GTF2H5: variants seen among roughly 807,000 people sequenced by gnomAD.
The protein encoded by GTF2H5 is general transcription factor IIH subunit 5.
A neutral mutation model predicts 7.1 loss-of-function variants in GTF2H5; 5 were observed. That is an observed-to-expected ratio of 0.71 (90% confidence interval 0.37 to 1.49). The LOEUF is 1.49. Among genes scored for constraint, GTF2H5 ranks in the 40% most tolerant of loss-of-function variants. The probability of loss-of-function intolerance (pLI) is 0.03; values close to 1 mark genes in which losing one functional copy is unlikely to be tolerated. For synonymous variants in GTF2H5, 30 were observed against 31.7 expected, an observed-to-expected ratio of 0.95 and a Z score of 0.18; for missense variants, 80 against 83.0, an observed-to-expected ratio of 0.96 and a Z score of 0.14.
chr6:158,189,600 G>T (rs938795241), intron 2 of GTF2H5, among the ~76,000 whole-genome samples: 21 of 151,998 alleles, frequency 1.4e-4, no homozygotes, highest in African/African-American at 5.1e-4. Flanking sequence ...CCTCTTTCCA[G>T]TTCACTCCCT....
rs947978621 is a variant in GTF2H5, at chr6:158,177,268, T to G, written c.35+6730T>G. 2.6e-5 allele frequency among the ~76,000 whole-genome samples: 4 copies of G among 152,366 alleles called. 1 individual carries two copies. Among genetic ancestry groups the G allele is most frequent in the African/African-American group, 9.6e-5 (4 of 41,586 alleles). On this transcript the variant is annotated intron_variant, in intron 2 of 2. Transcript: ENST00000607778. ...AAGATGTTTTAGAAATATTCTGTAG[T>G]CCATCAACTTTGCAGTGTAGCTATG...
At chr6:158,178,681 C>T (rs1282554486) in intron 2 of GTF2H5, among the ~76,000 whole-genome samples, 2 of 152,026 alleles carry the variant, frequency 1.3e-5, no homozygotes, top group Admixed American at 6.6e-5. Flanking sequence ...ATCCTTTGCC[C>T]ATTTTCTGAT....
intron 2 of GTF2H5, among the ~76,000 whole-genome samples, chr6:158,183,891 G>A (rs1048665258): frequency 4.6e-5 from 7 of 152,178 alleles, no homozygotes; most frequent in South Asian, 2.1e-4. Context: ...GCTTCGGCTC[G>A]CCCTCCATGG....
chr6:158,188,652 ATACTCAAAT>A (rs1376486904), intron 2 of GTF2H5, among the ~76,000 whole-genome samples: 1 of 149,526 alleles, frequency 6.7e-6, no homozygotes, highest in African/African-American at 2.6e-5. Context: ...ATTCTGTATA[ATACTCAAAT>A]TAGAGAATTG....
rs1292299140 is a variant in GTF2H5 at position 158,197,958 on chromosome 6, G to T, written c.*5801G>T. Reference sequence around the variant, plus strand: ...CTGGTATCATTGCTTGAACTTAATGGAGCTTATGTTGAGAAATAAAAGAAA... The same window carrying T: ...CTGGTATCATTGCTTGAACTTAATGTAGCTTATGTTGAGAAATAAAAGAAA... On this transcript the variant is annotated 3_prime_UTR_variant, in exon 3 of 3. Coordinates refer to ENST00000607778, the MANE Select transcript of GTF2H5 (RefSeq NM_207118.3). 3 of 152,124 alleles carry T rather than the reference G, an allele frequency of 2.0e-5. No individual in the cohort carries two copies. Among genetic ancestry groups the T allele is most frequent in the Admixed American group, 2.0e-4 (3 of 15,280 alleles). The allele number at this position is 152,124 out of a possible 1,614,324, so 9.4% of individuals were successfully genotyped here.
chr6:158,190,260 A>G (rs936954960), intron 2 of GTF2H5, among the ~76,000 whole-genome samples: 1 of 151,976 alleles, frequency 6.6e-6, no homozygotes, highest in East Asian at 1.9e-4. Context: ...CTCAGTAAAA[A>G]TCTCCTCCAG....
Position 158,192,595 on chromosome 6 carries a change from C to T in GTF2H5, c.*438C>T, listed in dbSNP as rs1167516952. ...TAGACATTATGTACGTCTCACAAAT[C>T]CTACCTGCATACCAGTCAGCTCTAT... is the stretch of plus-strand genomic sequence containing the variant. On this transcript the variant is annotated 3_prime_UTR_variant, in exon 3 of 3. Coordinates refer to ENST00000607778, the MANE Select transcript of GTF2H5 (RefSeq NM_207118.3). 2 of 217,216 alleles carry T rather than the reference C, an allele frequency of 9.2e-6. No homozygotes were observed. The highest frequency in any genetic ancestry group is 1.9e-5 in the Non-Finnish European group (2 of 107,426). The allele number at this position is 217,216 out of a possible 1,614,324, so 13.5% of individuals were successfully genotyped here. A position where few individuals can be genotyped will look rare whatever the true frequency, so the allele number is the denominator to read the frequency against.
chr6:158,183,919 A>G (rs1261950396), intron 2 of GTF2H5, among the ~76,000 whole-genome samples: 1 of 152,214 alleles, frequency 6.6e-6, no homozygotes, highest in African/African-American at 2.4e-5. Context: ...CCACTGTCCA[A>G]CCAGTCCCAA....
chr6:158,184,114 A>G (rs952792453), intron 2 of GTF2H5, among the ~76,000 whole-genome samples: 1 of 152,230 alleles, frequency 6.6e-6, no homozygotes, highest in Non-Finnish European at 1.5e-5. Flanking sequence ...TTCCTAAGTA[A>G]AAGGCATGGT....
intron 2 of GTF2H5, among the ~76,000 whole-genome samples, chr6:158,179,658 T>C (rs1330367063): frequency 6.6e-6 from 1 of 152,212 alleles, no homozygotes; most frequent in African/African-American, 2.4e-5. Context: ...TATTGGTGTA[T>C]AGGAATGCTT....
intron 1 of GTF2H5, among the ~76,000 whole-genome samples, chr6:158,169,141 G>A (rs747763627): frequency 2.0e-5 from 3 of 149,976 alleles, no homozygotes; most frequent in Non-Finnish European, 1.5e-5. Context: ...GGCTGAGGCA[G>A]GAGAATCGCT....
intron 2 of GTF2H5, among the ~76,000 whole-genome samples, chr6:158,175,053 CACACACACAT>C (rs1243349183): frequency 4.8e-5 from 4 of 83,466 alleles, no homozygotes; most frequent in African/African-American, 2.6e-4. Flanking sequence ...TGTATACACA[CACACACACAT>C]ACACATATAT....
At chr6:158,178,156 A>G (rs1785957861) in intron 2 of GTF2H5, among the ~76,000 whole-genome samples, 1 of 152,170 alleles carries the variant, frequency 6.6e-6, no homozygotes, top group African/African-American at 2.4e-5. Context: ...GCTGTCTTCC[A>G]CAATGGTTGA....
chr6:158,177,930 G>A (rs144350359), intron 2 of GTF2H5, among the ~76,000 whole-genome samples: 7 of 152,190 alleles, frequency 4.6e-5, no homozygotes, highest in East Asian at 3.9e-4. Flanking sequence ...ATAGTATTCC[G>A]TGGTGTATAT....
rs1301254950 is a variant in GTF2H5 at position 158,197,570 on chromosome 6, C to T, written c.*5413C>T. ...GGTCATGGTAACAGTTTTTTGGATC[C>T]TCAAGTCATTTTGCTTGTTGACTTT... is the stretch of plus-strand genomic sequence containing the variant. On this transcript the variant is annotated 3_prime_UTR_variant, in exon 3 of 3. Transcript: ENST00000607778. The T allele has an allele frequency of 6.6e-6, 1 of 152,088 alleles. No individual in the cohort carries two copies. The highest frequency in any genetic ancestry group is 1.9e-4 in the East Asian group (1 of 5,200). The allele number at this position is 152,088 out of a possible 1,614,324, so 9.4% of individuals were successfully genotyped here. A position where few individuals can be genotyped will look rare whatever the true frequency, so the allele number is the denominator to read the frequency against.
intron 2 of GTF2H5, among the ~76,000 whole-genome samples, chr6:158,180,137 T>A (rs1489685554): frequency 6.6e-6 from 1 of 152,140 alleles, no homozygotes; most frequent in Non-Finnish European, 1.5e-5. Flanking sequence ...ATAATCGTGG[T>A]TTTTGTCATT....
chr6:158,177,325 C>T (rs1044870597), intron 2 of GTF2H5, among the ~76,000 whole-genome samples: 15 of 152,194 alleles, frequency 9.9e-5, no homozygotes, highest in African/African-American at 3.4e-4. Flanking sequence ...ATCACAGGCT[C>T]TTTGGCTCCC....
intron 2 of GTF2H5, among the ~76,000 whole-genome samples, chr6:158,175,010 A>ATTG (rs372393771): frequency 5.1e-5 from 7 of 138,246 alleles, no homozygotes; most frequent in African/African-American, 1.4e-4. Context: ...TGTGCCTGAG[A>ATTG]TGTGTGTGTG....
At chr6:158,169,643 ATTGT>A (rs1785776257) in intron 1 of GTF2H5, among the ~76,000 whole-genome samples, 1 of 70,990 alleles carries the variant, frequency 1.4e-5, no homozygotes, top group African/African-American at 7.4e-5. Context: ...TATTACATAT[ATTGT>A]ATATTACATA....
Sources: gnomAD v4.1 joint callset for allele counts (sites outside exome capture counted in the v4.1 genomes callset) on GRCh38, gnomAD v4.1.1 for gene constraint, MANE v1.5 for transcripts, NCBI Gene and HGNC (gene_info 2026-07-23, HGNC 2026-07-21) for gene names.